Variants in ALG9 observed in about 807,000 individuals in gnomAD.
ALG9 encodes alpha-1,2-mannosyltransferase ALG9.
Under a neutral mutation model 81.8 loss-of-function variants are expected in ALG9, and 55 were observed. The observed-to-expected ratio is 0.67, with a 90% CI of 0.54 to 0.84. The LOEUF (loss-of-function observed/expected upper bound fraction) is 0.84, where lower values mean the gene tolerates loss of function less well. ALG9 is among the 40% of genes least tolerant of loss of function. The pLI, the probability that ALG9 is intolerant of heterozygous loss-of-function variation, is 0.00. For synonymous variants in ALG9, 278 were observed against 274.3 expected (o/e 1.01, Z -0.13); for missense variants, 629 against 745.0 (o/e 0.84, Z 1.81).
At chr11:111,865,480 T>A (rs372418334) in intron 3 of ALG9, among the ~76,000 whole-genome samples, 1 of 152,228 alleles carries the variant, frequency 6.6e-6, no homozygotes. Flanking sequence ...ATGAAAATGT[T>A]AATTGCAGTT....
chr11:111,827,692 C>A (rs1226902126), intron 13 of ALG9, among the ~76,000 whole-genome samples: 2 of 150,948 alleles, frequency 1.3e-5, no homozygotes, highest in African/African-American at 2.4e-5. Flanking sequence ...CATGGTGAAA[C>A]CCTGTCTCTA....
chr11:111,814,723 G>A (rs1336563880), intron 13 of ALG9: 1 of 152,148 alleles, frequency 6.6e-6, no homozygotes, highest in Non-Finnish European at 1.5e-5. Context: ...TATTCCTCCA[G>A]GGGAGAGAAA....
intron 3 of ALG9, 93 bp from the exon 4 acceptor site, chr11:111,865,344 C>G (rs1962005458): frequency 9.6e-6 from 9 of 941,172 alleles, no homozygotes; most frequent in Admixed American, 2.6e-5. Context: ...GTCAATAACA[C>G]TGTAAATTGG....
At chr11:111,830,050 G>T (rs1227260080) in intron 13 of ALG9, among the ~76,000 whole-genome samples, 3 of 152,204 alleles carry the variant, frequency 2.0e-5, no homozygotes, top group African/African-American at 7.2e-5. Flanking sequence ...GGGAAGCAAA[G>T]AAATGTCAAT....
At chr11:111,772,191 C>A in the ALG9 span, among the ~76,000 whole-genome samples, 1 of 152,158 alleles carries the variant, frequency 6.6e-6, no homozygotes, top group Admixed American at 6.5e-5. Context: ...TTTGGGAAGT[C>A]CAGGTGGGCA....
At chr11:111,804,863 C>T (rs145268074) in intron 14 of ALG9, among the ~76,000 whole-genome samples, 148 of 152,290 alleles carry the variant, frequency 9.7e-4, no homozygotes, top group African/African-American at 3.1e-3. Flanking sequence ...CTGGTACGAA[C>T]GCAAAATGAT....
chr11:111,849,057 C>CTT (rs555592218), intron 8 of ALG9, among the ~76,000 whole-genome samples: 1 of 131,406 alleles, frequency 7.6e-6, no homozygotes, highest in Non-Finnish European at 1.7e-5. Context: ...TTCTTTCTTT[C>CTT]TTTTTTTTTT....
At chr11:111,768,422 T>C in the ALG9 span, among the ~76,000 whole-genome samples, 1 of 152,174 alleles carries the variant, frequency 6.6e-6, no homozygotes, top group Admixed American at 6.5e-5. Context: ...TAAAAGCACA[T>C]TTTTCCTACT....
In ALG9 at chr11:111,853,661, G is replaced by A; in HGVS notation, c.777C>T (p.Leu259=). Residue 259 remains leucine (L), a synonymous_variant, in exon 7 of 15, where the codon CTC becomes CTT. Coordinates refer to ENST00000616540, the MANE Select transcript of ALG9 (RefSeq NM_024740.2). ...KSFFHWSLMA[L]ILFLVPVVVI... ...AAAGAAAACTCACCAGAAATAGTATGAGGGCCATCAGCGACCAATGAAAGA... is the reference window on the plus strand; with the variant it reads ...AAAGAAAACTCACCAGAAATAGTATAAGGGCCATCAGCGACCAATGAAAGA... 6.2e-7 allele frequency: 1 copy of A among 1,614,118 alleles called. No individual in the cohort carries two copies. Among genetic ancestry groups the A allele is most frequent in the Non-Finnish European group, 8.5e-7 (1 of 1,179,958 alleles).
chr11:111,868,769 T>G, intron 2 of ALG9, 33 bp from the exon 3 acceptor site: 1 of 1,548,726 alleles, frequency 6.5e-7, no homozygotes, highest in Non-Finnish European at 8.7e-7. Flanking sequence ...TTCAGGGTTA[T>G]ACTGGCCAAA....
chr11:111,800,282 C>A (rs1948908027), intron 14 of ALG9, among the ~76,000 whole-genome samples: 2 of 151,750 alleles, frequency 1.3e-5, no homozygotes, highest in Admixed American at 6.6e-5. Flanking sequence ...AGATTGAGAC[C>A]ATCCTGGCTA....
At chr11:111,815,686 T>C (rs3867467) in intron 13 of ALG9, among the ~76,000 whole-genome samples, 2,022 of 152,326 alleles carry the variant, frequency 0.013, 21 homozygotes, top group Non-Finnish European at 0.023. Context: ...ACAATCTTTT[T>C]TCTTATACCT....
chr11:111,870,398 A>G (rs1963951053), intron 1 of ALG9, 28 bp from the exon 2 acceptor site: 7 of 1,520,734 alleles, frequency 4.6e-6, no homozygotes, highest in African/African-American at 2.8e-5. Context: ...AAAAAAAAAA[A>G]AAAAAAGCAT....
At chr11:111,814,077 T>C (rs757588164) in intron 13 of ALG9, among the ~76,000 whole-genome samples, 2 of 152,194 alleles carry the variant, frequency 1.3e-5, no homozygotes, top group African/African-American at 2.4e-5. Flanking sequence ...TTCAAGAATG[T>C]TCAAAGTGGT....
At chr11:111,851,657 CCA>C (rs1423775627) in intron 8 of ALG9, among the ~76,000 whole-genome samples, 1 of 151,960 alleles carries the variant, frequency 6.6e-6, no homozygotes, top group Non-Finnish European at 1.5e-5. Flanking sequence ...ATTTATTCAC[CCA>C]CAGAGAGTAG....
intron 13 of ALG9, among the ~76,000 whole-genome samples, chr11:111,812,971 G>A (rs372450169): frequency 5.3e-4 from 78 of 147,852 alleles, no homozygotes; most frequent in African/African-American, 1.8e-3. Context: ...ACAGACCAAT[G>A]AAATAGAACA....
chr11:111,798,534 A>C (rs1240842895), intron 14 of ALG9, among the ~76,000 whole-genome samples: 2 of 152,224 alleles, frequency 1.3e-5, no homozygotes, highest in African/African-American at 4.8e-5. Context: ...CAGAGTAGGC[A>C]TTACATCTGC....
chr11:111,836,427 A>C, intron 12 of ALG9, 133 bp from the exon 13 acceptor site: 1 of 1,159,730 alleles, frequency 8.6e-7, no homozygotes. Context: ...TAAAACCTCA[A>C]CCAGGGAGCA....
At chr11:111,867,351 G>GTC (rs1216791777) in intron 3 of ALG9, among the ~76,000 whole-genome samples, 7 of 152,152 alleles carry the variant, frequency 4.6e-5, no homozygotes, top group Non-Finnish European at 8.8e-5. Flanking sequence ...AATGAAAACA[G>GTC]TCCATCGATA....
Sources: gnomAD v4.1 joint callset for allele counts (sites outside exome capture counted in the v4.1 genomes callset) on GRCh38, gnomAD v4.1.1 for gene constraint, MANE v1.5 for transcripts, NCBI Gene and HGNC (gene_info 2026-07-23, HGNC 2026-07-21) for gene names.